The following RAPGEF6 variants were observed in gnomAD, a reference collection of about 807,000 sequenced individuals.
RAPGEF6 encodes PDZ domain containing guanine nucleotide exchange factor (GEF) 2.
Under a neutral mutation model 171.4 loss-of-function variants are expected in RAPGEF6, and 56 were observed. The ratio of observed to expected loss-of-function variants is 0.33; its 90% CI spans 0.26 to 0.41. The LOEUF (loss-of-function observed/expected upper bound fraction) is 0.41, where lower values mean the gene tolerates loss of function less well. RAPGEF6 is among the 10% of genes least tolerant of loss of function. The pLI, the probability that RAPGEF6 is intolerant of heterozygous loss-of-function variation, is 1.00. For synonymous variants in RAPGEF6, 692 were observed against 650.1 expected (o/e 1.06, Z -0.98); for missense variants, 1,674 against 1,921.4 (o/e 0.87, Z 2.41).
chr5:131,498,908 T>C (rs1363361533), intron 11 of RAPGEF6, among the ~76,000 whole-genome samples: 2 of 152,160 alleles, frequency 1.3e-5, no homozygotes, highest in South Asian at 4.1e-4. Context: ...AACTTAGCCC[T>C]GGTGTGGGCT....
chr5:131,435,709 A>G, intron 24 of RAPGEF6: 2 of 664,344 alleles, frequency 3.0e-6, no homozygotes, highest in Non-Finnish European at 2.2e-6. Context: ...TCCTCTACAT[A>G]TTTCACTCAC....
intron 4 of RAPGEF6, among the ~76,000 whole-genome samples, chr5:131,567,972 G>A (rs1338984188): frequency 6.6e-6 from 1 of 151,950 alleles, no homozygotes; most frequent in Non-Finnish European, 1.5e-5. Flanking sequence ...AATATTTCTT[G>A]TCTTAAAATC....
intron 17 of RAPGEF6, among the ~76,000 whole-genome samples, chr5:131,471,081 A>G (rs186084933): frequency 5.3e-5 from 8 of 152,190 alleles, no homozygotes; most frequent in Admixed American, 5.2e-4. Flanking sequence ...TAAATAGTTT[A>G]ATTAACTTTA....
chr5:131,460,355 T>C (rs56163891), intron 19 of RAPGEF6, among the ~76,000 whole-genome samples: 4,230 of 152,228 alleles, frequency 0.028, 199 homozygotes, highest in African/African-American at 0.096. Context: ...TCACACTGAG[T>C]CATCATACTA....
At chr5:131,507,995 G>T in intron 9 of RAPGEF6, 76 bp downstream of exon 9, 1 of 1,300,236 alleles carries the variant, frequency 7.7e-7, no homozygotes, top group Non-Finnish European at 1.0e-6. Context: ...CAAAAATCAG[G>T]ACAAATTTAT....
In RAPGEF6 at chr5:131,561,617, A is replaced by C. The variant is rs766805381; in HGVS notation, c.351+361T>G. Among the ~76,000 whole-genome samples the C allele has an allele frequency of 6.7e-4, 99 of 147,126 alleles. 1 individual carries two copies. Among genetic ancestry groups the C allele is most frequent in the Non-Finnish European group, 1.4e-3 (93 of 67,328 alleles). Reference sequence around the variant, plus strand: ...GGAGGTTGCAGTGAGCCAAGACTGCACCATTGCACTCCAGCCTGGGCACCA... The same window carrying C: ...GGAGGTTGCAGTGAGCCAAGACTGCCCCATTGCACTCCAGCCTGGGCACCA... On this transcript the variant is annotated intron_variant, in intron 5 of 27. Coordinates refer to ENST00000509018, the MANE Select transcript of RAPGEF6 (RefSeq NM_016340.6).
intron 3 of RAPGEF6, among the ~76,000 whole-genome samples, chr5:131,593,390 A>C (rs576522276): frequency 6.6e-6 from 1 of 152,334 alleles, no homozygotes; most frequent in East Asian, 1.9e-4. Context: ...ATTTTGCTAT[A>C]ATTATATGTG....
At chr5:131,554,904 A>C (rs1192120876) in intron 5 of RAPGEF6, among the ~76,000 whole-genome samples, 1 of 152,170 alleles carries the variant, frequency 6.6e-6, no homozygotes, top group African/African-American at 2.4e-5. Flanking sequence ...GAGGAGAGGA[A>C]GGAAAAAAGA....
At chr5:131,578,104 C>A (rs970528150) in intron 4 of RAPGEF6, among the ~76,000 whole-genome samples, 1 of 152,116 alleles carries the variant, frequency 6.6e-6, no homozygotes, top group Non-Finnish European at 1.5e-5. Flanking sequence ...TTCCTCAAAC[C>A]GCCACCCTTA....
intron 18 of RAPGEF6, chr5:131,463,639 T>G (rs774196420): frequency 5.3e-6 from 4 of 757,154 alleles, no homozygotes; most frequent in Non-Finnish European, 6.4e-6. Context: ...TCTAGTTTAT[T>G]AAATAATTTT....
Position 131,429,190 on chromosome 5 carries a change from C to G in RAPGEF6, c.4492G>C (p.Asp1498His). 1 of 1,611,994 alleles carries G rather than the reference C, an allele frequency of 6.2e-7. No homozygotes were observed. Among genetic ancestry groups the G allele is most frequent in the Non-Finnish European group, 8.5e-7 (1 of 1,178,394 alleles). Residue 1498 changes from aspartate (D) to histidine (H), a missense_variant, in exon 27 of 28, where the codon GAC (aspartate) becomes CAC (histidine). This residue lies in a region of RAPGEF6 where 552 missense variants were observed against 574.2 expected (regional missense o/e 0.96). Transcript: ENST00000509018. Reference protein sequence around the residue: ...IVYCVTSPKKDDRYREPPPTP... With the variant: ...IVYCVTSPKKHDRYREPPPTP... Reference sequence around the variant, plus strand: ...GGAGGTGGCTCCCTATACCTATCGTCCTTCTTGGGTGAGGTGACACAGTAC... The same window carrying G: ...GGAGGTGGCTCCCTATACCTATCGTGCTTCTTGGGTGAGGTGACACAGTAC...
intron 6 of RAPGEF6, chr5:131,532,158 C>T (rs1241208271): frequency 2.2e-6 from 1 of 452,406 alleles, no homozygotes; most frequent in Non-Finnish European, 4.4e-6. Flanking sequence ...AAGCCATTTC[C>T]TAGGCTGGAA....
At position 131,446,667 on chromosome 5, in the gene RAPGEF6, C is replaced by T; in HGVS notation, c.3237G>A (p.Leu1079=). 1 of 1,614,182 alleles carries T rather than the reference C, an allele frequency of 6.2e-7. No homozygotes were observed. Among genetic ancestry groups the T allele is most frequent in the Non-Finnish European group, 8.5e-7 (1 of 1,179,988 alleles). ...LSQGSTNSNM[L]DVQGGAHKKR... ...TTTTGTGAGCACCTCCCTGAACATCCAGCATGTTTGAATTTGTGCTTCCTT... is the reference window on the plus strand; with the variant it reads ...TTTTGTGAGCACCTCCCTGAACATCTAGCATGTTTGAATTTGTGCTTCCTT... Residue 1079 remains leucine (L), a synonymous_variant, in exon 22 of 28, where the codon CTG becomes CTA. Transcript: ENST00000509018.
At chr5:131,508,464 T>C (rs1156256005) in intron 8 of RAPGEF6, among the ~76,000 whole-genome samples, 1 of 152,210 alleles carries the variant, frequency 6.6e-6, no homozygotes, top group East Asian at 1.9e-4. Context: ...ACAAGGACCA[T>C]ACAGGTTCAG....
intron 6 of RAPGEF6, among the ~76,000 whole-genome samples, chr5:131,530,481 T>A (rs1759300215): frequency 6.6e-6 from 1 of 151,972 alleles, no homozygotes; most frequent in African/African-American, 2.4e-5. Flanking sequence ...TAGGCAAAAA[T>A]ACATGAACAA....
intron 19 of RAPGEF6, 70 bp from the exon 20 acceptor site, chr5:131,456,082 C>T (rs1367071455): frequency 2.8e-6 from 3 of 1,077,352 alleles, no homozygotes; most frequent in African/African-American, 3.2e-5. Flanking sequence ...TCAGCATATA[C>T]ACCATTTTCT....
intron 1 of RAPGEF6, 46 bp downstream of exon 1, chr5:131,634,916 C>T (rs903057621): frequency 1.2e-6 from 2 of 1,605,184 alleles, no homozygotes; most frequent in Non-Finnish European, 8.5e-7. Context: ...CAGGAGGATG[C>T]TGTCTACTGG....
intron 6 of RAPGEF6, among the ~76,000 whole-genome samples, chr5:131,539,391 T>C (rs1359917158): frequency 6.6e-6 from 1 of 152,204 alleles, no homozygotes; most frequent in Non-Finnish European, 1.5e-5. Context: ...TAATGATTGA[T>C]CCAACAATAG....
chr5:131,582,545 G>T (rs1763026119), intron 4 of RAPGEF6, among the ~76,000 whole-genome samples: 1 of 152,028 alleles, frequency 6.6e-6, no homozygotes, highest in African/African-American at 2.4e-5. Context: ...GTTAATAGCA[G>T]ATTTTACATA....
Sources: gnomAD v4.1 joint callset for allele counts (sites outside exome capture counted in the v4.1 genomes callset) on GRCh38, gnomAD v4.1.1 for gene constraint, gnomAD v4.1.1 regional missense constraint, MANE v1.5 for transcripts, NCBI Gene and HGNC (gene_info 2026-07-23, HGNC 2026-07-21) for gene names.